WDR17: variants seen among roughly 807,000 people sequenced by gnomAD.
WDR17 encodes the protein WD repeat-containing protein 17.
Under a neutral mutation model 161.7 loss-of-function variants are expected in WDR17, and 143 were observed. That is an observed-to-expected ratio of 0.88 (90% CI 0.77 to 1.02). The LOEUF (loss-of-function observed/expected upper bound fraction) is 1.02. Ranked by LOEUF, WDR17 falls within the 50% of genes least tolerant of loss-of-function variation. The pLI is 0.00. For synonymous variants in WDR17, 517 were observed against 515.6 expected (o/e 1.00, Z -0.04); for missense variants, 1,469 against 1,520.9 (o/e 0.97, Z 0.57).
chr4:176,108,086 T>C (rs1739086593), intron 1 of WDR17, among the ~76,000 whole-genome samples: 1 of 152,024 alleles, frequency 6.6e-6, no homozygotes, highest in Non-Finnish European at 1.5e-5. Flanking sequence ...TCACCCAGGC[T>C]GGAGTGCAGT....
intron 13 of WDR17, among the ~76,000 whole-genome samples, chr4:176,148,794 A>G (rs921772272): frequency 3.9e-5 from 6 of 152,210 alleles, no homozygotes; most frequent in Non-Finnish European, 7.3e-5. Context: ...GTTTTTTAAT[A>G]TAATCCCGTT....
intron 1 of WDR17, among the ~76,000 whole-genome samples, chr4:176,077,986 A>T (rs1578991140): frequency 7.2e-6 from 1 of 139,314 alleles, no homozygotes; most frequent in South Asian, 2.4e-4. Context: ...TTCTGTCACT[A>T]AATATTAGTT....
chr4:176,123,697 T>G, intron 4 of WDR17, among the ~76,000 whole-genome samples: 1 of 152,218 alleles, frequency 6.6e-6, no homozygotes, highest in East Asian at 1.9e-4. Flanking sequence ...TCCAGGAGCC[T>G]CCGTGTGCTC....
At position 176,159,979 on chromosome 4, in the gene WDR17, T is replaced by A; in HGVS notation, c.2526-15T>A. 1.3e-6 allele frequency: 2 copies of A among 1,575,256 alleles called. No individual in the cohort carries two copies. The highest frequency in any genetic ancestry group is 1.2e-5 in the South Asian group (1 of 84,102). On this transcript the variant is annotated splice_polypyrimidine_tract_variant and intron_variant, in intron 18 of 28. Coordinates refer to ENST00000508596, the MANE Select transcript of WDR17 (RefSeq NM_181265.4). ...AAATAATATATTGTTTAAAAAACTGTCCTTATTTTATTAGGAGAGCTGACC... is the reference window on the plus strand; with the variant it reads ...AAATAATATATTGTTTAAAAAACTGACCTTATTTTATTAGGAGAGCTGACC...
At chr4:176,174,519 C>T in intron 25 of WDR17, 98 bp from the exon 26 acceptor site, 2 of 804,430 alleles carry the variant, frequency 2.5e-6, no homozygotes, top group South Asian at 3.3e-5. Flanking sequence ...CTATAAATGT[C>T]ACCTTTCAGA....
chr4:176,084,327 G>GA (rs1735146931), intron 1 of WDR17, among the ~76,000 whole-genome samples: 1 of 152,144 alleles, frequency 6.6e-6, no homozygotes, highest in Admixed American at 6.6e-5. Flanking sequence ...CACACAGCAA[G>GA]AAAGGCAGCA....
chr4:176,134,348 C>T (rs1744049766), intron 7 of WDR17, among the ~76,000 whole-genome samples: 1 of 151,702 alleles, frequency 6.6e-6, no homozygotes, highest in Admixed American at 6.6e-5. Flanking sequence ...AATTTCGATT[C>T]CCATTCCCCA....
At position 176,102,778 on chromosome 4, in the gene WDR17, A is replaced by G. The variant is rs114674165; in HGVS notation, c.-6-8797A>G. ...TAATTATTTTGTAATACCAGAATCT[A>G]TGAAGGCTTGCAACTTCCAGGGGAA... On this transcript the variant is annotated intron_variant, in intron 1 of 28. Coordinates refer to ENST00000508596, the MANE Select transcript of WDR17 (RefSeq NM_181265.4). 2.8e-3 allele frequency among the ~76,000 whole-genome samples: 423 copies of G among 152,304 alleles called. 2 individuals are homozygous for G. The highest frequency in any genetic ancestry group is 9.6e-3 in the African/African-American group (400 of 41,574).
chr4:176,114,092 A>G (rs1308973085), intron 2 of WDR17, among the ~76,000 whole-genome samples: 1 of 152,076 alleles, frequency 6.6e-6, no homozygotes, highest in African/African-American at 2.4e-5. Flanking sequence ...CATTTACTAT[A>G]TTAATAGATT....
intron 1 of WDR17, among the ~76,000 whole-genome samples, chr4:176,109,301 G>A (rs1036697714): frequency 6.6e-6 from 1 of 151,494 alleles, no homozygotes; most frequent in African/African-American, 2.4e-5. Flanking sequence ...TTCAGCGAAA[G>A]ATACTGTAAC....
At chr4:176,136,891 C>T (rs1744503726) in intron 8 of WDR17, among the ~76,000 whole-genome samples, 1 of 151,424 alleles carries the variant, frequency 6.6e-6, no homozygotes, top group African/African-American at 2.4e-5. Flanking sequence ...GACAGCTGCT[C>T]CTTTGTTCTG....
intron 1 of WDR17, among the ~76,000 whole-genome samples, chr4:176,096,858 A>G (rs1467654009): frequency 6.6e-6 from 1 of 151,708 alleles, no homozygotes; most frequent in Non-Finnish European, 1.5e-5. Context: ...ATATAAAATA[A>G]TATTTTATAT....
At position 176,140,104 on chromosome 4, in the gene WDR17, G is replaced by A. The variant is rs536750042; in HGVS notation, c.1442+130G>A. Reference sequence around the variant, plus strand: ...CAACTCTCAGAGGCGTTATTTTTAAGCCCATATAGGCACATACTATATTGC... The same window carrying A: ...CAACTCTCAGAGGCGTTATTTTTAAACCCATATAGGCACATACTATATTGC... On this transcript the variant is annotated intron_variant, in intron 10 of 28. Transcript: ENST00000508596. The A allele has an allele frequency of 2.6e-5, 16 of 611,892 alleles. No homozygotes were observed. The South Asian group carries it at 4.8e-4, about 18-fold the overall frequency. 37.9% of individuals were successfully genotyped at this position (611,892 alleles called of 1,614,324 possible). A position where few individuals can be genotyped will look rare whatever the true frequency, so the allele number is the denominator to read the frequency against.
chr4:176,138,302 T>C (rs1258265012), intron 9 of WDR17, among the ~76,000 whole-genome samples: 1 of 151,682 alleles, frequency 6.6e-6, no homozygotes, highest in Admixed American at 6.6e-5. Context: ...TCTTTGAAAA[T>C]TGCCTATATA....
At chr4:176,168,987 G>A (rs1750302630) in intron 23 of WDR17, among the ~76,000 whole-genome samples, 1 of 152,128 alleles carries the variant, frequency 6.6e-6, no homozygotes, top group Non-Finnish European at 1.5e-5. Flanking sequence ...ATCTTTACAT[G>A]TATTTGTATC....
Position 176,077,901 on chromosome 4 carries a change from C to A in WDR17, c.-7+11822C>A, listed in dbSNP as rs545272650. Among the ~76,000 whole-genome samples, 9 of 152,012 alleles carry A rather than the reference C, an allele frequency of 5.9e-5. No individual in the cohort carries two copies. The East Asian group carries it at 1.7e-3, about 29-fold the overall frequency. Reference sequence around the variant, plus strand: ...GTTTAGTCCACAGAAGAGAAAGGTTCTTTTTCTAGTAGTGCCCATAAAAGT... The same window carrying A: ...GTTTAGTCCACAGAAGAGAAAGGTTATTTTTCTAGTAGTGCCCATAAAAGT... On this transcript the variant is annotated intron_variant, in intron 1 of 28. Coordinates refer to ENST00000508596, the MANE Select transcript of WDR17 (RefSeq NM_181265.4).
At chr4:176,119,528 G>C (rs187997802) in intron 3 of WDR17, among the ~76,000 whole-genome samples, 114 of 152,060 alleles carry the variant, frequency 7.5e-4, no homozygotes, top group African/African-American at 2.7e-3. Flanking sequence ...AATGCCTAGA[G>C]GTCTTATATA....
At chr4:176,141,924 T>G in intron 10 of WDR17, 59 bp from the exon 11 acceptor site, 1 of 1,285,070 alleles carries the variant, frequency 7.8e-7, no homozygotes, top group Non-Finnish European at 1.1e-6. Context: ...TGACTTTGTT[T>G]CCTTGAATAA....
intron 1 of WDR17, among the ~76,000 whole-genome samples, chr4:176,106,021 A>G (rs576241230): frequency 3.9e-5 from 6 of 152,176 alleles, no homozygotes; most frequent in African/African-American, 1.4e-4. Context: ...GAAATTAAAA[A>G]CGTTATAAGA....
Sources: allele counts gnomAD v4.1 joint callset (sites outside exome capture counted in the v4.1 genomes callset), GRCh38; gene constraint gnomAD v4.1.1; transcripts MANE v1.5; gene names NCBI Gene and HGNC (gene_info 2026-07-23, HGNC 2026-07-21).